CTNNA2: variants seen among roughly 807,000 people sequenced by gnomAD.
CTNNA2 encodes the protein catenin alpha 2, also known as catenin alpha-2.
Under a neutral mutation model 101.0 loss-of-function variants are expected in CTNNA2, and 42 were observed. That is an observed-to-expected ratio of 0.42 (90% CI 0.32 to 0.54). CTNNA2 has a LOEUF of 0.54. Ranked by LOEUF, CTNNA2 falls within the 20% of genes least tolerant of loss-of-function variation. The pLI is 0.14. For synonymous variants in CTNNA2, 450 were observed against 456.4 expected (o/e 0.99, Z 0.18); for missense variants, 871 against 1,223.1 (o/e 0.71, Z 4.29).
rs77388989 is a variant in CTNNA2, at chr2:79,589,501, C to G, written c.-5-62051C>G. ...TTAAAAATTCATTAGCCTCCATTGCCATTTAGAAGGTAAGACATACATTAT... is the reference window on the plus strand; with the variant it reads ...TTAAAAATTCATTAGCCTCCATTGCGATTTAGAAGGTAAGACATACATTAT... On this transcript the variant is annotated intron_variant, in intron 1 of 18. Coordinates refer to ENST00000402739, the MANE Select transcript of CTNNA2 (RefSeq NM_001282597.3). Among the ~76,000 whole-genome samples the G allele has an allele frequency of 7.6e-3, 1,154 of 151,832 alleles. 8 individuals carry two copies. The highest frequency in any genetic ancestry group is 0.018 in the South Asian group (87 of 4,794).
intron 6 of CTNNA2, among the ~76,000 whole-genome samples, chr2:79,886,505 A>G (rs993201412): frequency 1.3e-5 from 2 of 151,808 alleles, no homozygotes; most frequent in African/African-American, 4.8e-5. Context: ...TAATCCCAGC[A>G]CTTTGGGAGG....
At chr2:80,409,681 T>G (rs1278552068) in intron 8 of CTNNA2, among the ~76,000 whole-genome samples, 3 of 152,218 alleles carry the variant, frequency 2.0e-5, no homozygotes, top group African/African-American at 7.2e-5. Flanking sequence ...AATTTCTTTC[T>G]GAGGACTTCT....
chr2:80,545,125 C>T (rs1336737124), intron 10 of CTNNA2, 51 bp downstream of exon 10: 3 of 1,555,434 alleles, frequency 1.9e-6, no homozygotes, highest in Admixed American at 1.7e-5. Flanking sequence ...CTTCTCCACT[C>T]CAGCCCTTGT....
intron 15 of CTNNA2, among the ~76,000 whole-genome samples, chr2:80,603,159 C>A (rs1051810828): frequency 2.0e-5 from 3 of 151,896 alleles, no homozygotes; most frequent in African/African-American, 7.3e-5. Context: ...CATAAAGAGA[C>A]CAGGTTAATT....
intron 7 of CTNNA2, among the ~76,000 whole-genome samples, chr2:80,074,691 G>A (rs1471687880): frequency 1.3e-5 from 2 of 152,126 alleles, no homozygotes; most frequent in Middle Eastern, 3.2e-3. Context: ...AAACCTAAGG[G>A]GAAATAAGGA....
intron 6 of CTNNA2, among the ~76,000 whole-genome samples, chr2:79,905,051 G>C (rs1354173878): frequency 6.6e-6 from 1 of 152,198 alleles, no homozygotes; most frequent in African/African-American, 2.4e-5. Context: ...CTTGAAGGCA[G>C]AATAGGATTC....
intron 9 of CTNNA2, among the ~76,000 whole-genome samples, chr2:80,459,508 TG>T (rs1684252953): frequency 6.6e-6 from 1 of 152,106 alleles, no homozygotes; most frequent in South Asian, 2.1e-4. Context: ...TATCTTAAGG[TG>T]ATTGCACAGA....
intron 3 of CTNNA2, among the ~76,000 whole-genome samples, chr2:79,334,453 T>A (rs1479526358): frequency 1.3e-5 from 2 of 152,118 alleles, no homozygotes; most frequent in Non-Finnish European, 2.9e-5. Flanking sequence ...TGAATTACTA[T>A]CAAGATACTT....
At chr2:80,249,301 A>T (rs752753606) in intron 7 of CTNNA2, among the ~76,000 whole-genome samples, 10 of 152,208 alleles carry the variant, frequency 6.6e-5, no homozygotes, top group Admixed American at 4.6e-4. Flanking sequence ...TAGGGCATTC[A>T]GGTGGATTAC....
At chr2:80,141,855 A>AT (rs34748982) in intron 7 of CTNNA2, among the ~76,000 whole-genome samples, 12,985 of 143,476 alleles carry the variant, frequency 0.091, 783 homozygotes, top group Non-Finnish European at 0.13. Context: ...TAAAGATAGC[A>AT]TTTTTTTTTT....
At chr2:80,512,261 T>G (rs956322575) in intron 9 of CTNNA2, among the ~76,000 whole-genome samples, 2 of 150,448 alleles carry the variant, frequency 1.3e-5, no homozygotes, top group Non-Finnish European at 3.0e-5. Context: ...AATATACAAA[T>G]AAATAGTCTT....
At chr2:80,329,183 C>T (rs911224698) in intron 7 of CTNNA2, among the ~76,000 whole-genome samples, 1 of 152,184 alleles carries the variant, frequency 6.6e-6, no homozygotes, top group African/African-American at 2.4e-5. Context: ...AGCTGACTTC[C>T]TTTCAACCTT....
chr2:79,439,864 T>C (rs1270729914), intron 4 of CTNNA2, among the ~76,000 whole-genome samples: 2 of 152,188 alleles, frequency 1.3e-5, no homozygotes, highest in East Asian at 3.8e-4. Flanking sequence ...CTTGGTAATT[T>C]GGATGCATGC....
intron 7 of CTNNA2, among the ~76,000 whole-genome samples, chr2:80,082,964 T>A (rs1992754): frequency 0.28 from 43,063 of 152,010 alleles, 6,794 homozygotes; most frequent in East Asian, 0.55. Flanking sequence ...TTACAATTAT[T>A]ATTAGGTTGT....
At chr2:80,171,546 TG>T (rs1343459145) in intron 7 of CTNNA2, among the ~76,000 whole-genome samples, 3 of 152,168 alleles carry the variant, frequency 2.0e-5, no homozygotes, top group Non-Finnish European at 4.4e-5. Context: ...CAATCTAGGA[TG>T]GGGAGGCATC....
intron 7 of CTNNA2, among the ~76,000 whole-genome samples, chr2:80,240,826 T>C (rs979364550): frequency 3.3e-5 from 5 of 152,216 alleles, no homozygotes; most frequent in African/African-American, 1.2e-4. Flanking sequence ...AGTTAACATA[T>C]AATGTAAAAC....
chr2:80,302,759 A>T lies in CTNNA2; in HGVS notation c.1057-90452A>T, dbSNP rs775910242. ...CAGGTGGAAGGCGTACACGGCGTCCAGGACGTCCTCGCCCTGTGCGTACTC... is the reference window on the plus strand; with the variant it reads ...CAGGTGGAAGGCGTACACGGCGTCCTGGACGTCCTCGCCCTGTGCGTACTC... On this transcript the variant is annotated intron_variant, in intron 7 of 18. Transcript: ENST00000402739. The surrounding 1 kb of genome is among the most constrained non-coding windows in gnomAD (Gnocchi z 6.4). 1.9e-6 allele frequency: 3 copies of T among 1,613,228 alleles called. No individual in the cohort carries two copies. The East Asian group carries it at 6.7e-5, about 36-fold the overall frequency.
At chr2:80,018,370 G>A (rs184722884) in intron 7 of CTNNA2, among the ~76,000 whole-genome samples, 2 of 152,124 alleles carry the variant, frequency 1.3e-5, no homozygotes, top group Non-Finnish European at 2.9e-5. Flanking sequence ...TGCTGGAAAC[G>A]GCTCCCTTTA....
intron 3 of CTNNA2, among the ~76,000 whole-genome samples, chr2:79,794,434 A>C (rs932828936): frequency 2.6e-5 from 4 of 152,202 alleles, no homozygotes; most frequent in Non-Finnish European, 4.4e-5. Flanking sequence ...AAAAAGCTGT[A>C]CATATATAAT....
Sources: allele counts gnomAD v4.1 joint callset (sites outside exome capture counted in the v4.1 genomes callset), GRCh38; gene constraint gnomAD v4.1.1; non-coding constraint Gnocchi (gnomAD v3.1); transcripts MANE v1.5; gene names NCBI Gene and HGNC (gene_info 2026-07-23, HGNC 2026-07-21).